Variants in DSG2 observed in about 807,000 individuals in gnomAD.
DSG2 encodes the protein desmoglein-2.
A neutral mutation model predicts 75.6 loss-of-function variants in DSG2; 45 were observed. The ratio of observed to expected loss-of-function variants is 0.60; its 90% CI spans 0.47 to 0.76. The LOEUF is 0.76. Among genes scored for constraint, DSG2 ranks in the 30% least tolerant of loss-of-function variants. The probability of loss-of-function intolerance (pLI) is 0.00; values close to 1 mark genes in which losing one functional copy is unlikely to be tolerated. For synonymous variants in DSG2, 429 were observed against 483.9 expected (o/e 0.89, Z 1.49); for missense variants, 1,267 against 1,357.4 (o/e 0.93, Z 1.05).
chr18:31,537,233 T>C (rs1404962051), intron 11 of DSG2, among the ~76,000 whole-genome samples: 1 of 152,206 alleles, frequency 6.6e-6, no homozygotes, highest in Non-Finnish European at 1.5e-5. Context: ...TAATGTTTAG[T>C]CCAATTAACA....
intron 6 of DSG2, among the ~76,000 whole-genome samples, chr18:31,524,099 C>T (rs2073145875): frequency 6.6e-6 from 1 of 152,338 alleles, no homozygotes; most frequent in Admixed American, 6.5e-5. Context: ...CTTCTCCTCA[C>T]TGAGAATGAA....
chr18:31,521,083 T>G lies in DSG2; in HGVS notation c.379-16T>G. ...TTCTTAGCTTAAATCTAATCTTATT[T>G]ATGTCATGATTTCAGCTAACAGGTT... is the stretch of plus-strand genomic sequence containing the variant. On this transcript the variant is annotated splice_polypyrimidine_tract_variant and intron_variant, in intron 4 of 14. Transcript: ENST00000261590. 6.2e-7 allele frequency: 1 copy of G among 1,613,906 alleles called. No homozygotes were observed.
chr18:31,548,922 T>A lies in DSG2; in HGVS notation c.*2179T>A, dbSNP rs1036493212. ...ATATAACTCAGTTTGTTAGGGAGAG[T>A]GCCTTAAAGGCAGGTGTTTCTTGGA... is the stretch of plus-strand genomic sequence containing the variant. On this transcript the variant is annotated 3_prime_UTR_variant, in exon 15 of 15. Transcript: ENST00000261590. The A allele has an allele frequency of 6.6e-6, 1 of 152,158 alleles. No homozygotes were observed. The highest frequency in any genetic ancestry group is 1.9e-4 in the East Asian group (1 of 5,196). 9.4% of individuals were successfully genotyped at this position (152,158 alleles called of 1,614,324 possible).
chr18:31,534,697 A>T (rs1338079594), intron 9 of DSG2, among the ~76,000 whole-genome samples: 1 of 151,688 alleles, frequency 6.6e-6, no homozygotes, highest in Non-Finnish European at 1.5e-5. Flanking sequence ...TTTAGTAGAG[A>T]CGGGGTTTCA....
chr18:31,546,261 C>T lies in DSG2; in HGVS notation c.2875C>T (p.Gln959Ter). Reference sequence around the variant, plus strand: ...TGTGATCCTGGGTCCTAGCCAGCCACAGAGCCTTATTGTGACAGAGAGGGT... The same window carrying T: ...TGTGATCCTGGGTCCTAGCCAGCCATAGAGCCTTATTGTGACAGAGAGGGT... ...TTVILGPSQP[Q>*]SLIVTERVYA... is the part of the protein sequence containing the mutation. The change falls in exon 15 of 15, where the codon CAG becomes TAG. Residue 959 changes from glutamine to a stop codon, truncating the protein, a stop_gained. Coordinates refer to ENST00000261590, the MANE Select transcript of DSG2 (RefSeq NM_001943.5). LOFTEE classifies it low-confidence loss of function (END_TRUNC). The T allele has an allele frequency of 1.9e-6, 3 of 1,605,140 alleles. No individual in the cohort carries two copies. Among genetic ancestry groups the T allele is most frequent in the Non-Finnish European group, 2.6e-6 (3 of 1,175,148 alleles).
rs756024562 is a variant in DSG2, at chr18:31,524,477, A to C, written c.720A>C (p.Glu240Asp). The C allele has an allele frequency of 6.2e-7, 1 of 1,614,072 alleles. No individual in the cohort carries two copies. Among genetic ancestry groups the C allele is most frequent in the Non-Finnish European group, 8.5e-7 (1 of 1,180,036 alleles). ...EEHSSYTLTV[E>D]ARDGNGEVTD... ...ACAGCAGCTACACTTTGACAGTAGA[A>C]GCAAGAGATGGCAATGGAGAAGTTA... Residue 240 changes from glutamate to aspartate, a missense_variant, in exon 7 of 15, where the codon GAA becomes GAC. Coordinates refer to ENST00000261590, the MANE Select transcript of DSG2 (RefSeq NM_001943.5).
At chr18:31,544,655 T>TTGA (rs2073292764) in intron 14 of DSG2, among the ~76,000 whole-genome samples, 1 of 152,102 alleles carries the variant, frequency 6.6e-6, no homozygotes, top group Admixed American at 6.5e-5. Flanking sequence ...GTCAATAAAA[T>TTGA]TGATAAACAT....
At chr18:31,525,029 C>G in intron 8 of DSG2, 141 bp downstream of exon 8, 1 of 835,582 alleles carries the variant, frequency 1.2e-6, no homozygotes, top group Non-Finnish European at 1.9e-6. Flanking sequence ...GGAGCCATCC[C>G]TATTTGCCCA....
At position 31,545,803 on chromosome 18, in the gene DSG2, C is replaced by T. The variant is rs764524494; in HGVS notation, c.2417C>T (p.Ser806Leu). 3.7e-6 allele frequency: 6 copies of T among 1,614,146 alleles called. No individual in the cohort carries two copies. The highest frequency in any genetic ancestry group is 1.7e-5 in the Admixed American group (1 of 60,008). ...LLVYSQEETE[S>L]LNASIGCCSF... ...GTTTATTCTCAGGAAGAAACTGAATCGCTGAATGCTTCTATTGGTTGTTGC... is the reference window on the plus strand; with the variant it reads ...GTTTATTCTCAGGAAGAAACTGAATTGCTGAATGCTTCTATTGGTTGTTGC... The change falls in exon 15 of 15, where the codon TCG becomes TTG. Residue 806 changes from serine to leucine, a missense_variant. Transcript: ENST00000261590.
rs781433342 is a variant in DSG2, at chr18:31,546,215, G to A, written c.2829G>A (p.Gly943=). The part of the protein sequence containing the change: ...VIATETSYVT[G]STMPPTTVIL... ...CAACAGAAACTTCCTATGTCACAGG[G>A]TCCACTATGCCACCAACCACTGTGA... The change falls in exon 15 of 15, where the codon GGG becomes GGA. Residue 943 remains glycine (G), a synonymous_variant. Coordinates refer to ENST00000261590, the MANE Select transcript of DSG2 (RefSeq NM_001943.5). The A allele has an allele frequency of 6.2e-6, 10 of 1,612,254 alleles. No homozygotes were observed. The South Asian group carries it at 9.9e-5, about 16-fold the overall frequency.
At chr18:31,513,407 C>T (rs1197523234) in intron 1 of DSG2, among the ~76,000 whole-genome samples, 6 of 152,158 alleles carry the variant, frequency 3.9e-5, no homozygotes, top group African/African-American at 1.4e-4. Flanking sequence ...TTTGTAGGGT[C>T]TCCTGATACC....
chr18:31,511,865 C>T (rs2073068941), intron 1 of DSG2, among the ~76,000 whole-genome samples: 1 of 152,154 alleles, frequency 6.6e-6, no homozygotes, highest in African/African-American at 2.4e-5. Context: ...GCCCCTTGTG[C>T]TCCCTTCAGT....
intron 1 of DSG2, among the ~76,000 whole-genome samples, chr18:31,516,896 C>T (rs1267115838): frequency 1.3e-5 from 2 of 152,182 alleles, no homozygotes; most frequent in African/African-American, 2.4e-5. Context: ...CTGTGTGCAG[C>T]GGTGGAAATG....
In DSG2 at chr18:31,512,613, T is replaced by G. The variant is rs182287699; in HGVS notation, c.46-5626T>G. ...CTCACACTCAGGATAAAACCCAAAG[T>G]CCTCTCCCTGACTGGGTACTGGCCT... On this transcript the variant is annotated intron_variant, in intron 1 of 14. Coordinates refer to ENST00000261590, the MANE Select transcript of DSG2 (RefSeq NM_001943.5). 3.5e-4 allele frequency among the ~76,000 whole-genome samples: 53 copies of G among 152,314 alleles called. 1 individual carries two copies. Among genetic ancestry groups the G allele is most frequent in the Non-Finnish European group, 6.5e-4 (44 of 68,024 alleles).
chr18:31,532,183 G>A (rs2073202567), intron 9 of DSG2, among the ~76,000 whole-genome samples: 1 of 152,170 alleles, frequency 6.6e-6, no homozygotes, highest in Admixed American at 6.5e-5. Context: ...TGAAGGCTGG[G>A]AAGTCCATCA....
At chr18:31,545,044 C>T (rs1005252788) in intron 14 of DSG2, among the ~76,000 whole-genome samples, 5 of 152,176 alleles carry the variant, frequency 3.3e-5, no homozygotes, top group African/African-American at 4.8e-5. Flanking sequence ...TGGGTGGTGT[C>T]AAGCAAAACC....
At chr18:31,532,688 T>C (rs1447020398) in intron 9 of DSG2, among the ~76,000 whole-genome samples, 2 of 152,234 alleles carry the variant, frequency 1.3e-5, no homozygotes, top group Non-Finnish European at 2.9e-5. Flanking sequence ...TCTTGAGTTA[T>C]GTGGTCTAGT....
Position 31,524,705 on chromosome 18 carries a change from T to C in DSG2, c.831T>C (p.Leu277=). The part of the protein sequence containing the change: ...DNIPVVENKV[L]EGMVEENQVN... ...AATCATGTGTTCATGTTTTGCAGCT[T>C]GAAGGGATGGTTGAAGAAAATCAAG... The change falls in exon 8 of 15, where the codon CTT becomes CTC. Residue 277 remains leucine (L), a splice_region_variant and synonymous_variant. Transcript: ENST00000261590. 6.2e-7 allele frequency: 1 copy of C among 1,614,112 alleles called. No homozygotes were observed. The highest frequency in any genetic ancestry group is 1.7e-5 in the Admixed American group (1 of 60,026).
At chr18:31,526,647 A>T (rs945703744) in intron 8 of DSG2, among the ~76,000 whole-genome samples, 1 of 152,170 alleles carries the variant, frequency 6.6e-6, no homozygotes, top group Non-Finnish European at 1.5e-5. Flanking sequence ...CCAATTATAC[A>T]CGCAAGGAGA....
Sources: allele counts gnomAD v4.1 joint callset (sites outside exome capture counted in the v4.1 genomes callset), GRCh38; gene constraint gnomAD v4.1.1; transcripts MANE v1.5; gene names NCBI Gene and HGNC (gene_info 2026-07-23, HGNC 2026-07-21).